Variants in CNBD1 observed in about 807,000 individuals in gnomAD.
The protein encoded by CNBD1 is cyclic nucleotide binding domain containing 1, also known as cyclic nucleotide-binding domain-containing protein 1.
Under a neutral mutation model 54.4 loss-of-function variants are expected in CNBD1, and 71 were observed. The ratio of observed to expected loss-of-function variants is 1.30; its 90% CI spans 1.08 to 1.59. The LOEUF (loss-of-function observed/expected upper bound fraction) is 1.59. Ranked by LOEUF, CNBD1 falls within the 40% of genes most tolerant of loss-of-function variation. The probability of loss-of-function intolerance (pLI) is 0.00; values close to 1 mark genes in which losing one functional copy is unlikely to be tolerated. For missense variants in CNBD1, 659 were observed against 518.0 expected (o/e 1.27, Z -2.64); for synonymous variants, 182 against 170.7 (o/e 1.07, Z -0.51).
chr8:87,365,528 T>A (rs1439398634), intron 10 of CNBD1, among the ~76,000 whole-genome samples: 4 of 152,042 alleles, frequency 2.6e-5, no homozygotes, highest in Admixed American at 2.6e-4. Context: ...TTGAAACCAC[T>A]TGTTCCACTG....
chr8:86,924,542 T>G (rs944128578), intron 3 of CNBD1, among the ~76,000 whole-genome samples: 4 of 152,144 alleles, frequency 2.6e-5, no homozygotes, highest in African/African-American at 9.7e-5. Flanking sequence ...GTAGAGTGGT[T>G]AAAGTGGAAA....
chr8:87,297,181 A>T (rs1247012641), intron 8 of CNBD1, among the ~76,000 whole-genome samples: 1 of 150,348 alleles, frequency 6.7e-6, no homozygotes, highest in African/African-American at 2.4e-5. Flanking sequence ...AAAAAAAAAA[A>T]AAAAGGAAAA....
intron 6 of CNBD1, among the ~76,000 whole-genome samples, chr8:87,270,317 C>CT (rs982153937): frequency 9.3e-4 from 141 of 151,972 alleles, no homozygotes; most frequent in African/African-American, 3.1e-3. Flanking sequence ...TAAACAGACA[C>CT]TTTTCAAAAG....
At chr8:87,143,850 C>T (rs570161018) in intron 4 of CNBD1, among the ~76,000 whole-genome samples, 1 of 152,176 alleles carries the variant, frequency 6.6e-6, no homozygotes, top group East Asian at 1.9e-4. Context: ...TTTTAAAAAA[C>T]ATTATTTTAA....
chr8:87,206,737 C>T (rs2130797951), intron 5 of CNBD1, among the ~76,000 whole-genome samples: 1 of 152,194 alleles, frequency 6.6e-6, no homozygotes, highest in East Asian at 1.9e-4. Context: ...ATTACGGGGG[C>T]TAGGCATATA....
At chr8:87,231,390 T>C (rs1814687258) in intron 5 of CNBD1, among the ~76,000 whole-genome samples, 1 of 152,122 alleles carries the variant, frequency 6.6e-6, no homozygotes, top group South Asian at 2.1e-4. Context: ...TTACAAAGAC[T>C]AGTATAGTCA....
downstream of CNBD1, among the ~76,000 whole-genome samples, chr8:87,387,256 T>C (rs1811208397): frequency 6.6e-6 from 1 of 152,016 alleles, no homozygotes; most frequent in Non-Finnish European, 1.5e-5. Flanking sequence ...CACATAACAA[T>C]ATTAACCTTA....
At chr8:87,169,719 G>A (rs1054620917) in intron 4 of CNBD1, among the ~76,000 whole-genome samples, 3 of 151,928 alleles carry the variant, frequency 2.0e-5, no homozygotes, top group African/African-American at 7.2e-5. Context: ...ATTTACTGTA[G>A]ATGTGTGGAT....
At chr8:87,252,878 C>T (rs976436219) in intron 6 of CNBD1, among the ~76,000 whole-genome samples, 1 of 151,998 alleles carries the variant, frequency 6.6e-6, no homozygotes, top group Admixed American at 6.6e-5. Flanking sequence ...GAATGGGGAG[C>T]TTGTGATGCA....
chr8:87,028,853 G>C (rs905738029), intron 4 of CNBD1, among the ~76,000 whole-genome samples: 1 of 152,146 alleles, frequency 6.6e-6, no homozygotes, highest in African/African-American at 2.4e-5. Flanking sequence ...TACAAAAACT[G>C]TTTATATACA....
chr8:87,270,638 A>G (rs1222157550), intron 6 of CNBD1, among the ~76,000 whole-genome samples: 2 of 151,974 alleles, frequency 1.3e-5, no homozygotes, highest in African/African-American at 4.8e-5. Context: ...AATATAAATC[A>G]TCCTATTTGC....
intron 10 of CNBD1, among the ~76,000 whole-genome samples, chr8:87,356,630 C>G (rs763152747): frequency 1.3e-5 from 2 of 151,954 alleles, no homozygotes; most frequent in Non-Finnish European, 2.9e-5. Context: ...GATGACTTAA[C>G]GTTGGAAATT....
intron 8 of CNBD1, among the ~76,000 whole-genome samples, chr8:87,348,416 A>G (rs1171045059): frequency 1.3e-5 from 2 of 152,330 alleles, no homozygotes; most frequent in East Asian, 1.9e-4. Flanking sequence ...ACATTTTTAA[A>G]GCAAACTATA....
intron 4 of CNBD1, among the ~76,000 whole-genome samples, chr8:87,080,941 A>T: frequency 1.3e-5 from 2 of 150,726 alleles, no homozygotes; most frequent in Non-Finnish European, 1.5e-5. Flanking sequence ...TCCCCTTGTC[A>T]TTGTGTCTAA....
intron 2 of CNBD1, among the ~76,000 whole-genome samples, chr8:87,421,166 T>A (rs998570306): frequency 6.6e-6 from 1 of 152,150 alleles, no homozygotes; most frequent in African/African-American, 2.4e-5. Context: ...AATTTTACCT[T>A]ATCTCTGCCT....
intron 4 of CNBD1, among the ~76,000 whole-genome samples, chr8:87,062,919 A>G (rs1180878143): frequency 6.6e-6 from 1 of 152,238 alleles, no homozygotes; most frequent in Non-Finnish European, 1.5e-5. Context: ...ATATAATCAT[A>G]GTACAAGCCG....
At chr8:87,372,311 G>C (rs1457951729) in intron 10 of CNBD1, among the ~76,000 whole-genome samples, 1 of 151,866 alleles carries the variant, frequency 6.6e-6, no homozygotes, top group Non-Finnish European at 1.5e-5. Context: ...ATTTATGATG[G>C]GCCCTGTTGT....
intron 4 of CNBD1, among the ~76,000 whole-genome samples, chr8:87,126,536 T>C (rs753016487): frequency 6.6e-6 from 1 of 152,058 alleles, no homozygotes; most frequent in Non-Finnish European, 1.5e-5. Context: ...TTTTATATAT[T>C]ATGGCTATAT....
intron 4 of CNBD1, among the ~76,000 whole-genome samples, chr8:87,089,917 C>A (rs760365514): frequency 1.3e-5 from 2 of 151,980 alleles, no homozygotes; most frequent in Non-Finnish European, 2.9e-5. Context: ...AGATACCCAG[C>A]CTTAGCTTAC....
Sources: gnomAD v4.1 joint callset for allele counts (sites outside exome capture counted in the v4.1 genomes callset) on GRCh38, gnomAD v4.1.1 for gene constraint, MANE v1.5 for transcripts, NCBI Gene and HGNC (gene_info 2026-07-23, HGNC 2026-07-21) for gene names.